SLC13A3: variants seen among roughly 807,000 people sequenced by gnomAD.
SLC13A3 encodes the protein solute carrier family 13 member 3, also known as Na(+)/dicarboxylate cotransporter 3.
In SLC13A3, 40 loss-of-function variants were observed where a neutral mutation model predicts 59.0. The observed-to-expected ratio is 0.68, with a 90% CI of 0.53 to 0.88. SLC13A3 has a LOEUF of 0.88. Among genes scored for constraint, SLC13A3 ranks in the 40% least tolerant of loss-of-function variants. The pLI is 0.00. For synonymous variants in SLC13A3, 317 were observed against 330.3 expected (o/e 0.96, Z 0.44); for missense variants, 699 against 783.2 (o/e 0.89, Z 1.28).
intron 3 of SLC13A3, among the ~76,000 whole-genome samples, chr20:46,604,354 C>T (rs1846515968): frequency 6.6e-6 from 1 of 152,182 alleles, no homozygotes; most frequent in African/African-American, 2.4e-5. Flanking sequence ...CGCCCCCTCA[C>T]TGCTGTAGTA....
intron 10 of SLC13A3, among the ~76,000 whole-genome samples, chr20:46,570,900 A>G (rs986502462): frequency 1.3e-5 from 2 of 152,206 alleles, no homozygotes; most frequent in Non-Finnish European, 2.9e-5. Flanking sequence ...TAATAATTGT[A>G]TTAGTCCATT....
At position 46,579,135 on chromosome 20, in the gene SLC13A3, C is replaced by T. The variant is rs201596145; in HGVS notation, c.1220-3450G>A. On this transcript the variant is annotated intron_variant, in intron 9 of 12. Transcript: ENST00000279027. ...TGTCTCTTTGTCTCTCTCTCCCCCT[C>T]GATTTTTCTTTTTTTTCTTGAGACA... is the stretch of plus-strand genomic sequence containing the variant. 1.6e-4 allele frequency among the ~76,000 whole-genome samples: 24 copies of T among 151,656 alleles called. No individual in the cohort carries two copies. In the East Asian group the frequency reaches 4.1e-3, roughly 26 times the overall value.
At chr20:46,608,659 T>G in intron 3 of SLC13A3, 1 of 462,704 alleles carries the variant, frequency 2.2e-6, no homozygotes, top group Non-Finnish European at 3.7e-6. Context: ...GACGGGGAAA[T>G]ACTCATGTGA....
At chr20:46,579,471 C>G (rs1302277602) in intron 9 of SLC13A3, among the ~76,000 whole-genome samples, 6 of 152,190 alleles carry the variant, frequency 3.9e-5, no homozygotes, top group Non-Finnish European at 5.9e-5. Flanking sequence ...GTCACTTTCT[C>G]TCTATGGAAA....
At chr20:46,562,254 C>T (rs2061937625) in intron 12 of SLC13A3, among the ~76,000 whole-genome samples, 1 of 152,204 alleles carries the variant, frequency 6.6e-6, no homozygotes, top group Non-Finnish European at 1.5e-5. Context: ...CAAGTCTGTC[C>T]TGTCCCCGCT....
chr20:46,600,131 G>T, intron 3 of SLC13A3, 94 bp from the exon 4 acceptor site: 1 of 825,774 alleles, frequency 1.2e-6, no homozygotes, highest in Non-Finnish European at 1.8e-6. Flanking sequence ...TGCTTTCTTT[G>T]CCAAGGATCC....
intron 5 of SLC13A3, among the ~76,000 whole-genome samples, chr20:46,595,936 ATATATTTTATATTC>A (rs2062307428): frequency 6.6e-6 from 1 of 152,096 alleles, no homozygotes; most frequent in Non-Finnish European, 1.5e-5. Context: ...TATCACACAG[ATATATTTTATATTC>A]ATTTGCTTTT....
intron 1 of SLC13A3, among the ~76,000 whole-genome samples, chr20:46,665,869 G>A (rs1294601108): frequency 1.3e-5 from 2 of 152,152 alleles, no homozygotes; most frequent in African/African-American, 2.4e-5. Flanking sequence ...CAGTGTATGC[G>A]GGTTCCAGTT....
chr20:46,595,987 G>GA, intron 5 of SLC13A3, among the ~76,000 whole-genome samples, 170 bp downstream of exon 5: 1 of 152,252 alleles, frequency 6.6e-6, no homozygotes, highest in Non-Finnish European at 1.5e-5. Context: ...TCTCCCGCCA[G>GA]AATGGAAGTT....
At chr20:46,655,483 ATG>A (rs367827861), upstream of SLC13A3, among the ~76,000 whole-genome samples, 13 of 147,568 alleles carry the variant, frequency 8.8e-5, no homozygotes, top group African/African-American at 1.2e-4. Context: ...ATGTATATAT[ATG>A]TGTGTGTGTG....
chr20:46,610,775 GAAA>G (rs1243100941), intron 2 of SLC13A3, among the ~76,000 whole-genome samples, 166 bp from the exon 3 acceptor site: 1 of 152,138 alleles, frequency 6.6e-6, no homozygotes, highest in African/African-American at 2.4e-5. Context: ...TTAGATCTAA[GAAA>G]ACTGTGGTTC....
At chr20:46,590,454 A>C (rs1205429679) in intron 6 of SLC13A3, among the ~76,000 whole-genome samples, 1 of 152,238 alleles carries the variant, frequency 6.6e-6, no homozygotes, top group African/African-American at 2.4e-5. Flanking sequence ...TATAAAGCAT[A>C]CCAGAAACTA....
intron 1 of SLC13A3, among the ~76,000 whole-genome samples, chr20:46,614,457 T>A (rs2062535238): frequency 6.6e-6 from 1 of 152,174 alleles, no homozygotes; most frequent in Admixed American, 6.5e-5. Flanking sequence ...ACTCCCGCAG[T>A]CCATCTCAGA....
rs966075779 is a variant in SLC13A3 at position 46,565,682 on chromosome 20, C to T, written c.1494+547G>A. Among the ~76,000 whole-genome samples, 3 of 152,256 alleles carry T rather than the reference C, an allele frequency of 2.0e-5. No homozygotes were observed. The South Asian group carries it at 6.2e-4, about 32-fold the overall frequency. On this transcript the variant is annotated intron_variant, in intron 11 of 12. Transcript: ENST00000279027. ...GCTGGGTAGGGGGAAGGATTTGTTC[C>T]CCTGACGGGGATATTTGGGAATGCT...
At chr20:46,630,450 G>A (rs1041254364) in intron 1 of SLC13A3, among the ~76,000 whole-genome samples, 13 of 152,294 alleles carry the variant, frequency 8.5e-5, no homozygotes, top group Non-Finnish European at 1.6e-4. Flanking sequence ...AGAACTCCTC[G>A]TCCTGCCCAC....
chr20:46,608,894 T>A lies in SLC13A3; in HGVS notation c.541+1552A>T, dbSNP rs2062463049. ...TCCTGTCTTTGGGTCCCAGGTGCCA[T>A]CATATTCACATTCCACCCGGCAGGA... On this transcript the variant is annotated intron_variant, in intron 3 of 12. Coordinates refer to ENST00000279027, the MANE Select transcript of SLC13A3 (RefSeq NM_022829.6). 3.9e-6 allele frequency: 6 copies of A among 1,550,432 alleles called. No individual in the cohort carries two copies. The African/African-American group carries it at 4.1e-5, about 11-fold the overall frequency.
intron 1 of SLC13A3, among the ~76,000 whole-genome samples, chr20:46,677,907 T>C (rs1293820799): frequency 6.6e-6 from 1 of 152,198 alleles, no homozygotes; most frequent in African/African-American, 2.4e-5. Flanking sequence ...CCTGACGATG[T>C]TTCCAGAGAA....
At chr20:46,576,174 C>T (rs1199978494) in intron 9 of SLC13A3, among the ~76,000 whole-genome samples, 1 of 151,880 alleles carries the variant, frequency 6.6e-6, no homozygotes, top group Non-Finnish European at 1.5e-5. Flanking sequence ...AGTCAACAAA[C>T]TTTCTGCAGG....
intron 1 of SLC13A3, among the ~76,000 whole-genome samples, chr20:46,646,138 G>A (rs569339719): frequency 3.3e-5 from 5 of 152,280 alleles, no homozygotes; most frequent in East Asian, 3.9e-4. Flanking sequence ...TGCTCAATCC[G>A]CAGAGCTGGA....
Sources: allele counts gnomAD v4.1 joint callset (sites outside exome capture counted in the v4.1 genomes callset), GRCh38; gene constraint gnomAD v4.1.1; transcripts MANE v1.5; gene names NCBI Gene and HGNC (gene_info 2026-07-23, HGNC 2026-07-21).